Variants in DMD observed in about 807,000 individuals in gnomAD.
The protein encoded by DMD is mutant dystrophin.
DMD carries 63 observed loss-of-function variants against 330.1 expected under a neutral mutation model. The observed-to-expected ratio is 0.19, with a 90% CI of 0.16 to 0.24. DMD has a LOEUF of 0.24. Among genes scored for constraint, DMD ranks in the 10% least tolerant of loss-of-function variants. The probability of loss-of-function intolerance (pLI) is 1.00; values close to 1 mark genes in which losing one functional copy is unlikely to be tolerated. For synonymous variants in DMD, 1,223 were observed against 959.8 expected, an observed-to-expected ratio of 1.27 and a Z score of -5.07; for missense variants, 3,344 against 2,684.1, an observed-to-expected ratio of 1.25 and a Z score of -5.43.
At chrX:32,532,299 C>T (rs1416133432) in intron 17 of DMD, among the ~76,000 whole-genome samples, 4 of 112,019 alleles carry the variant, frequency 3.6e-5, no homozygotes, top group Non-Finnish European at 5.6e-5. Flanking sequence ...GAATGTAGAA[C>T]AGACATAATC....
chrX:31,629,745 G>C (rs1379500426), intron 54 of DMD, among the ~76,000 whole-genome samples: 3 of 111,247 alleles, frequency 2.7e-5, no homozygotes, highest in African/African-American at 9.8e-5. Flanking sequence ...GCTACAATTG[G>C]GCATACACCT....
At chrX:31,902,527 T>A (rs771180088) in intron 47 of DMD, among the ~76,000 whole-genome samples, 1 of 111,547 alleles carries the variant, frequency 9.0e-6, no homozygotes, top group East Asian at 2.8e-4. Flanking sequence ...TCTGAAAAAA[T>A]TAGCTGATTG....
At chrX:32,395,506 T>G (rs753045514) in intron 30 of DMD, among the ~76,000 whole-genome samples, 4 of 111,229 alleles carry the variant, frequency 3.6e-5, no homozygotes, top group Non-Finnish European at 7.6e-5. Flanking sequence ...CACCAACATG[T>G]CACATGGATA....
At chrX:31,999,287 C>T (rs1013629044) in intron 44 of DMD, among the ~76,000 whole-genome samples, 2 of 111,916 alleles carry the variant, frequency 1.8e-5, no homozygotes, top group African/African-American at 3.2e-5. Flanking sequence ...CTGTACCCAA[C>T]GTACAGTTGA....
chrX:31,955,207 T>TA (rs2095233150), intron 45 of DMD, among the ~76,000 whole-genome samples: 1 of 110,982 alleles, frequency 9.0e-6, no homozygotes, highest in Non-Finnish European at 1.9e-5. Context: ...GCATATCAAA[T>TA]ATAGTACTTT....
At chrX:33,287,454 G>GAACC (rs770688229) in intron 1 of DMD, among the ~76,000 whole-genome samples, 1 of 110,387 alleles carries the variant, frequency 9.1e-6, no homozygotes, top group South Asian at 3.9e-4. Flanking sequence ...GCCTGGTTGA[G>GAACC]AACCACTTAT....
In DMD at chrX:32,170,491, T is replaced by A. The variant is rs112575069; in HGVS notation, c.6438+46425A>T. 4.8e-3 allele frequency among the ~76,000 whole-genome samples: 509 copies of A among 106,472 alleles called. 4 individuals are homozygous for A. The highest frequency in any genetic ancestry group is 7.8e-3 in the Admixed American group (75 of 9,658). The allele number at this position is 106,472 out of a possible 115,157, so 92.5% of individuals were successfully genotyped here. On this transcript the variant is annotated intron_variant, in intron 44 of 78. Transcript: ENST00000357033. ...CATCTCAAATAATAATAATAATAATTATTATTATTATTACTATAAGAATAA... is the reference window on the plus strand; with the variant it reads ...CATCTCAAATAATAATAATAATAATAATTATTATTATTACTATAAGAATAA...
At chrX:32,371,066 T>G (rs949046532) in intron 34 of DMD, among the ~76,000 whole-genome samples, 5 of 111,224 alleles carry the variant, frequency 4.5e-5, no homozygotes, top group Non-Finnish European at 1.9e-5. Context: ...GTGATTTTGA[T>G]GTGCAACCAA....
At chrX:33,325,624 CA>C (rs2054078501) in intron 1 of DMD, among the ~76,000 whole-genome samples, 1 of 111,977 alleles carries the variant, frequency 8.9e-6, no homozygotes, top group Admixed American at 9.6e-5. Context: ...TGCTATTCGC[CA>C]ACCCCAAATC....
chrX:31,672,785 A>G (rs765038039), intron 53 of DMD, among the ~76,000 whole-genome samples: 12 of 112,163 alleles, frequency 1.1e-4, no homozygotes, highest in African/African-American at 2.9e-4. Flanking sequence ...AGACAAGCAC[A>G]TGGGCTTCTA....
intron 44 of DMD, among the ~76,000 whole-genome samples, chrX:32,050,147 C>T (rs1353991630): frequency 2.7e-5 from 3 of 111,042 alleles, no homozygotes; most frequent in Non-Finnish European, 5.7e-5. Flanking sequence ...TGTGCAGGTC[C>T]GGAAATGTTC....
At chrX:32,557,921 AATTT>A (rs1269690936) in intron 16 of DMD, among the ~76,000 whole-genome samples, 3 of 110,253 alleles carry the variant, frequency 2.7e-5, no homozygotes, top group Admixed American at 9.8e-5. Context: ...TACTGTAATT[AATTT>A]ATTATTACAA....
At chrX:32,340,921 C>G (rs1428848729) in intron 41 of DMD, among the ~76,000 whole-genome samples, 1 of 111,611 alleles carries the variant, frequency 9.0e-6, no homozygotes, top group Non-Finnish European at 1.9e-5. Flanking sequence ...AATAATTCAC[C>G]TGCTATTAAA....
rs886043520 is a variant in DMD, at chrX:32,310,107, A to G, written c.6092T>C (p.Leu2031Pro). ...CTTCAGAGACTCCTCTTGCTTAAAGAGATCTTCAAAGTCCTTAGCACAGAG... is the reference window on the plus strand; with the variant it reads ...CTTCAGAGACTCCTCTTGCTTAAAGGGATCTTCAAAGTCCTTAGCACAGAG... ...PDLCAKDFED[L>P]FKQEESLKNI... Residue 2031 changes from leucine to proline, a missense_variant, in exon 42 of 79, where the codon CTC (leucine) becomes CCC (proline). Physicochemically the swap from Leu to Pro is moderately conservative, Grantham distance 98 (BLOSUM62 -3). Transcript: ENST00000357033. 3.6e-5 allele frequency: 44 copies of G among 1,207,525 alleles called. No homozygotes were observed. The highest frequency in any genetic ancestry group is 4.7e-5 in the Non-Finnish European group (42 of 893,444).
chrX:32,740,403 T>C (rs954596503), intron 7 of DMD, among the ~76,000 whole-genome samples: 1 of 110,512 alleles, frequency 9.0e-6, no homozygotes, highest in South Asian at 3.8e-4. Flanking sequence ...AGATTTATGG[T>C]ATCTATGGAA....
chrX:32,915,680 T>C (rs1000296942), intron 2 of DMD, among the ~76,000 whole-genome samples: 2 of 112,176 alleles, frequency 1.8e-5, no homozygotes, highest in Non-Finnish European at 3.8e-5. Flanking sequence ...TAATTGTTCC[T>C]CACTTGACTC....
intron 44 of DMD, among the ~76,000 whole-genome samples, chrX:32,099,967 C>G (rs6653578): frequency 9.2e-6 from 1 of 108,690 alleles, no homozygotes. Context: ...TAATCTGGCT[C>G]ACAGACAATT....
At chrX:33,224,097 G>C (rs2052240775) in intron 1 of DMD, among the ~76,000 whole-genome samples, 1 of 112,331 alleles carries the variant, frequency 8.9e-6, no homozygotes, top group African/African-American at 3.2e-5. Context: ...TGCTGGTGAG[G>C]ATATGGAGTA....
chrX:32,154,472 T>G (rs2096821125), intron 44 of DMD, among the ~76,000 whole-genome samples: 1 of 112,310 alleles, frequency 8.9e-6, no homozygotes, highest in Non-Finnish European at 1.9e-5. Flanking sequence ...CAAAGAAATT[T>G]TCATCCTAAA....
Sources: allele counts gnomAD v4.1 joint callset (sites outside exome capture counted in the v4.1 genomes callset), GRCh38; gene constraint gnomAD v4.1.1; transcripts MANE v1.5; gene names NCBI Gene and HGNC (gene_info 2026-07-23, HGNC 2026-07-21).